The following ABCG1 variants were observed in gnomAD, a reference collection of about 807,000 sequenced individuals.
ABCG1 encodes ATP binding cassette subfamily G member 1.
ABCG1 carries 29 observed loss-of-function variants against 69.2 expected under a neutral mutation model. The observed-to-expected ratio is 0.42, with a 90% CI of 0.31 to 0.57. The LOEUF is 0.57. Among genes scored for constraint, ABCG1 ranks in the 20% least tolerant of loss-of-function variants. The pLI, the probability that ABCG1 is intolerant of heterozygous loss-of-function variation, is 0.15. For missense variants in ABCG1, 718 were observed against 898.1 expected (o/e 0.80, Z 2.56); for synonymous variants, 370 against 374.8 (o/e 0.99, Z 0.15).
chr21:42,285,978 C>T lies in ABCG1; in HGVS notation c.957C>T (p.His319=). 1 of 1,613,300 alleles carries T rather than the reference C, an allele frequency of 6.2e-7. No individual in the cohort carries two copies. Among genetic ancestry groups the T allele is most frequent in the South Asian group, 1.1e-5 (1 of 91,066 alleles). ...TGGGTCTGAACTGCCCAACCTACCACAACCCAGCAGATTTTGGTAAGCGGA... is the reference window on the plus strand; with the variant it reads ...TGGGTCTGAACTGCCCAACCTACCATAACCCAGCAGATTTTGGTAAGCGGA... ...RDLGLNCPTY[H]NPADFVMEVA... Residue 319 remains histidine, a synonymous_variant, in exon 8 of 15, where the codon CAC becomes CAT. Coordinates refer to ENST00000398449, the MANE Select transcript of ABCG1 (RefSeq NM_016818.3).
chr21:42,294,723 A>C, intron 14 of ABCG1, 63 bp downstream of exon 14: 1 of 1,464,516 alleles, frequency 6.8e-7, no homozygotes. Flanking sequence ...ACCGTCTCCA[A>C]CAGCGTGAGG....
At chr21:42,270,185 G>A (rs1049471257) in intron 2 of ABCG1, among the ~76,000 whole-genome samples, 48 of 150,684 alleles carry the variant, frequency 3.2e-4, no homozygotes, top group African/African-American at 9.6e-4. Flanking sequence ...GTGTGAACCC[G>A]GGAGGCGGAA....
chr21:42,295,979 G>A (rs2069200764), intron 14 of ABCG1, among the ~76,000 whole-genome samples, 185 bp from the exon 15 acceptor site: 1 of 152,232 alleles, frequency 6.6e-6, no homozygotes, highest in African/African-American at 2.4e-5. Flanking sequence ...ACATAGTGGA[G>A]CTGTTGCACG....
rs2068644257 is a variant in ABCG1, at chr21:42,273,070, T to A, written c.405-233T>A. 6.6e-6 allele frequency among the ~76,000 whole-genome samples: 1 copy of A among 152,218 alleles called. No individual in the cohort carries two copies. Among genetic ancestry groups the A allele is most frequent in the Non-Finnish European group, 1.5e-5 (1 of 68,028 alleles). Reference sequence around the variant, plus strand: ...AAACACACCATCCCACGGAGGCCTGTGTGCAGCTTCCTCTTCCCAGCAGGA... The same window carrying A: ...AAACACACCATCCCACGGAGGCCTGAGTGCAGCTTCCTCTTCCCAGCAGGA... On this transcript the variant is annotated intron_variant, in intron 3 of 14. Transcript: ENST00000398449. This position sits in a 1 kb window ranked among gnomAD's most constrained non-coding sequence, Gnocchi z 5.3.
At chr21:42,200,596 C>CTTTT (rs200131320) in intron 1 of ABCG1, among the ~76,000 whole-genome samples, 8 of 138,690 alleles carry the variant, frequency 5.8e-5, no homozygotes, top group East Asian at 2.1e-4. Flanking sequence ...TTATGTTGCA[C>CTTTT]TTTTTTTTTT....
rs775854109 is a variant in ABCG1, at chr21:42,291,202, C to T, written c.1494+10C>T. 3.7e-6 allele frequency: 6 copies of T among 1,605,498 alleles called. No homozygotes were observed. In the South Asian group the frequency reaches 5.5e-5, roughly 15 times the overall value. On this transcript the variant is annotated intron_variant, in intron 12 of 14. Transcript: ENST00000398449. This position sits in a 1 kb window ranked among gnomAD's most constrained non-coding sequence, Gnocchi z 6.4. Reference sequence around the variant, plus strand: ...AGACGTGCCCTTTCAGGTGTGTTAGCCAGGGGCTGGAATTTGAAACGGGGG... The same window carrying T: ...AGACGTGCCCTTTCAGGTGTGTTAGTCAGGGGCTGGAATTTGAAACGGGGG...
intron 2 of ABCG1, among the ~76,000 whole-genome samples, chr21:42,269,678 A>G (rs978909745): frequency 3.9e-5 from 6 of 152,190 alleles, no homozygotes; most frequent in African/African-American, 9.6e-5. Flanking sequence ...ACAAGGCCTC[A>G]GGGACTCCAC....
At chr21:42,216,219 A>G, upstream of ABCG1, 1 of 435,438 alleles carries the variant, frequency 2.3e-6, no homozygotes, top group Non-Finnish European at 4.6e-6. Context: ...TCCTTTGTAA[A>G]TTGCCCAGTC....
intron 2 of ABCG1, among the ~76,000 whole-genome samples, chr21:42,242,886 G>T (rs556730457): frequency 6.6e-6 from 1 of 152,144 alleles, no homozygotes; most frequent in South Asian, 2.1e-4. Flanking sequence ...GCACCCCCGG[G>T]GGTCTGAGTG....
At chr21:42,246,849 C>T (rs1340314556) in intron 2 of ABCG1, among the ~76,000 whole-genome samples, 1 of 152,068 alleles carries the variant, frequency 6.6e-6, no homozygotes. Context: ...TTTATTTGTT[C>T]TGAGCAAGAA....
chr21:42,254,615 C>T lies in ABCG1; in HGVS notation c.287-16455C>T, dbSNP rs1168993574. Among the ~76,000 whole-genome samples the T allele has an allele frequency of 4.6e-5, 7 of 152,376 alleles. No homozygotes were observed. In the East Asian group the frequency reaches 1.2e-3, roughly 25 times the overall value. On this transcript the variant is annotated intron_variant, in intron 2 of 14. Coordinates refer to ENST00000398449, the MANE Select transcript of ABCG1 (RefSeq NM_016818.3). ...AGCAAGAGGATTGATCAGCGCGTGG[C>T]TTTGCCACATGATCACGAAAATGGA...
At chr21:42,270,454 G>C (rs1439176595) in intron 2 of ABCG1, among the ~76,000 whole-genome samples, 1 of 151,980 alleles carries the variant, frequency 6.6e-6, no homozygotes, top group African/African-American at 2.4e-5. Context: ...TTCCAAAGCA[G>C]TTTGGTGTGG....
At position 42,284,572 on chromosome 21, in the gene ABCG1, C is replaced by A; in HGVS notation, c.747C>A (p.Ser249Arg). ...TCTTGACTTGCAGCGGCCTGGACAG[C>A]GCCTCCTGCTTCCAGGTGGTCTCGC... The part of the protein sequence containing the change: ...FFDEPTSGLD[S>R]ASCFQVVSLM... The change falls in exon 7 of 15, where the codon AGC (serine) becomes AGA (arginine). Residue 249 changes from serine (S) to arginine (R), a missense_variant. By Grantham distance (110) the Ser-to-Arg change is moderately radical. Coordinates refer to ENST00000398449, the MANE Select transcript of ABCG1 (RefSeq NM_016818.3). 6.2e-7 allele frequency: 1 copy of A among 1,613,422 alleles called. No homozygotes were observed. The highest frequency in any genetic ancestry group is 8.5e-7 in the Non-Finnish European group (1 of 1,180,012).
chr21:42,256,488 T>C lies in ABCG1; in HGVS notation c.287-14582T>C, dbSNP rs369824323. On this transcript the variant is annotated intron_variant, in intron 2 of 14. Coordinates refer to ENST00000398449, the MANE Select transcript of ABCG1 (RefSeq NM_016818.3). The stretch of plus-strand genomic sequence containing the variant: ...CCTGGCTGGGTGTACTGGCTACAGA[T>C]GGCTGTGGCTCCAGGTCACCTGCGT... 43 of 1,550,040 alleles carry C rather than the reference T, an allele frequency of 2.8e-5. No individual in the cohort carries two copies. In the East Asian group the frequency reaches 7.1e-4, roughly 26 times the overall value.
intron 1 of ABCG1, among the ~76,000 whole-genome samples, chr21:42,200,167 T>A (rs4148085): frequency 0.19 from 28,199 of 152,142 alleles, 2,897 homozygotes; most frequent in African/African-American, 0.26. Flanking sequence ...TGTGATGGTG[T>A]GTGCAGGGGA....
rs2234717 is a variant in ABCG1, at chr21:42,225,925, C to T, written c.286+11C>T. On this transcript the variant is annotated intron_variant, in intron 2 of 14. Coordinates refer to ENST00000398449, the MANE Select transcript of ABCG1 (RefSeq NM_016818.3). Reference sequence around the variant, plus strand: ...GGTGGAGGAAGAAAGGTAGGGAGGGCGGCTGCTTTGTGTATCAAGCTGGGA... The same window carrying T: ...GGTGGAGGAAGAAAGGTAGGGAGGGTGGCTGCTTTGTGTATCAAGCTGGGA... The T allele has an allele frequency of 0.023, 37,532 of 1,608,162 alleles. 540 individuals carry two copies. The highest frequency in any genetic ancestry group is 0.044 in the Middle Eastern group (206 of 4,656).
At chr21:42,249,109 A>C (rs2068180730) in intron 2 of ABCG1, among the ~76,000 whole-genome samples, 1 of 152,194 alleles carries the variant, frequency 6.6e-6, no homozygotes, top group South Asian at 2.1e-4. Context: ...TTCAAAAGTC[A>C]CCAAAATTGT....
chr21:42,296,187 T>G lies in ABCG1; in HGVS notation c.1796T>G (p.Leu599Arg). The G allele has an allele frequency of 1.2e-6, 2 of 1,613,966 alleles. No individual in the cohort carries two copies. The highest frequency in any genetic ancestry group is 1.7e-6 in the Non-Finnish European group (2 of 1,179,998). ...YVRYGFEGVI[L>R]SIYGLDREDL... The stretch of plus-strand genomic sequence containing the variant: ...AGGTATGGGTTCGAAGGGGTCATCC[T>G]CTCCATCTATGGCTTAGACCGGGAA... The change falls in exon 15 of 15, where the codon CTC (leucine) becomes CGC (arginine). Residue 599 changes from leucine to arginine, a missense_variant. Leu to Arg is a moderately radical substitution (Grantham distance 102). Coordinates refer to ENST00000398449, the MANE Select transcript of ABCG1 (RefSeq NM_016818.3). This position sits in a 1 kb window ranked among gnomAD's most constrained non-coding sequence, Gnocchi z 5.4.
At chr21:42,284,508 G>A in intron 6 of ABCG1, 52 bp from the exon 7 acceptor site, 2 of 1,597,322 alleles carry the variant, frequency 1.3e-6, no homozygotes, top group South Asian at 2.2e-5. Flanking sequence ...ACCTGGGGCA[G>A]TGGCTAGTTC....
Sources: gnomAD v4.1 joint callset for allele counts (sites outside exome capture counted in the v4.1 genomes callset) on GRCh38, gnomAD v4.1.1 for gene constraint, Gnocchi (gnomAD v3.1) non-coding constraint, MANE v1.5 for transcripts, NCBI Gene and HGNC (gene_info 2026-07-23, HGNC 2026-07-21) for gene names.